Variants in RAD51B observed in about 807,000 individuals in gnomAD.
RAD51B encodes DNA repair protein RAD51 homolog 2.
RAD51B carries 38 observed loss-of-function variants against 42.2 expected under a neutral mutation model. The ratio of observed to expected loss-of-function variants is 0.90; its 90% CI spans 0.70 to 1.18. The LOEUF is 1.18. Among genes scored for constraint, RAD51B ranks in the 50% most tolerant of loss-of-function variants. The pLI is 0.00. For synonymous variants in RAD51B, 154 were observed against 145.2 expected (o/e 1.06, Z -0.43); for missense variants, 373 against 400.7 (o/e 0.93, Z 0.59).
At chr14:68,151,630 G>A (rs766928404) in intron 7 of RAD51B, among the ~76,000 whole-genome samples, 3 of 151,626 alleles carry the variant, frequency 2.0e-5, no homozygotes, top group Non-Finnish European at 4.4e-5. Context: ...GTGTGTGTGT[G>A]TTTCAGTTTG....
Position 68,058,776 on chromosome 14 carries a change from C to T in RAD51B, c.756+171572C>T, listed in dbSNP as rs953892167. Reference sequence around the variant, plus strand: ...TATCTGTGAGATGAATTCTGAAAAACGTAATTTCTAGTCAAAGAACAGTGC... The same window carrying T: ...TATCTGTGAGATGAATTCTGAAAAATGTAATTTCTAGTCAAAGAACAGTGC... On this transcript the variant is annotated intron_variant, in intron 7 of 10. Coordinates refer to ENST00000471583, the MANE Select transcript of RAD51B (RefSeq NM_133510.4). Among the ~76,000 whole-genome samples the T allele has an allele frequency of 3.3e-5, 5 of 152,030 alleles. No individual in the cohort carries two copies. The East Asian group carries it at 5.8e-4, about 18-fold the overall frequency.
chr14:68,327,448 C>T (rs1239133902), intron 8 of RAD51B, among the ~76,000 whole-genome samples: 8 of 150,444 alleles, frequency 5.3e-5, no homozygotes, highest in Middle Eastern at 3.4e-3. Flanking sequence ...TCTCCTTCTA[C>T]GCTTAGGCCA....
intron 5 of RAD51B, among the ~76,000 whole-genome samples, chr14:67,883,490 C>T (rs567027440): frequency 2.2e-4 from 33 of 152,258 alleles, no homozygotes; most frequent in African/African-American, 7.2e-4. Context: ...CACATGTAAG[C>T]TTTTGCACTT....
At chr14:68,237,949 G>C in intron 7 of RAD51B, among the ~76,000 whole-genome samples, 1 of 151,998 alleles carries the variant, frequency 6.6e-6, no homozygotes, top group Non-Finnish European at 1.5e-5. Flanking sequence ...TGGCCAAGAT[G>C]GTCTCGATCT....
intron 7 of RAD51B, among the ~76,000 whole-genome samples, chr14:68,092,138 C>A (rs1007946566): frequency 1.7e-4 from 26 of 152,178 alleles, no homozygotes; most frequent in African/African-American, 6.3e-4. Context: ...AGCATGATGC[C>A]TCCAGCTTTG....
chr14:68,566,353 A>G (rs1000956993), intron 10 of RAD51B, among the ~76,000 whole-genome samples: 1 of 152,194 alleles, frequency 6.6e-6, no homozygotes, highest in African/African-American at 2.4e-5. Context: ...AACCTGGTCT[A>G]TTTCCCATAG....
intron 8 of RAD51B, chr14:68,338,793 G>T (rs1420659865): frequency 3.5e-6 from 2 of 563,682 alleles, no homozygotes; most frequent in South Asian, 1.5e-5. Flanking sequence ...GTGAGCTACA[G>T]ACTTGAGACC....
intron 7 of RAD51B, among the ~76,000 whole-genome samples, chr14:68,079,825 G>A (rs533035223): frequency 3.9e-5 from 6 of 152,286 alleles, no homozygotes; most frequent in East Asian, 3.9e-4. Flanking sequence ...TTAAGGTGGC[G>A]TATGTGCGCT....
At chr14:68,567,010 A>G (rs1889453921) in intron 10 of RAD51B, among the ~76,000 whole-genome samples, 1 of 152,080 alleles carries the variant, frequency 6.6e-6, no homozygotes, top group Admixed American at 6.6e-5. Context: ...TTAAAAATTC[A>G]ACTTTACTGG....
chr14:68,440,563 G>A (rs555062224), intron 9 of RAD51B, among the ~76,000 whole-genome samples: 23 of 152,090 alleles, frequency 1.5e-4, no homozygotes, highest in Non-Finnish European at 3.1e-4. Flanking sequence ...TGGCCAACAT[G>A]GTGAAACCCC....
chr14:67,900,086 A>C (rs2043558890), intron 7 of RAD51B, among the ~76,000 whole-genome samples: 1 of 152,154 alleles, frequency 6.6e-6, no homozygotes, highest in Non-Finnish European at 1.5e-5. Context: ...TTATGCTTTG[A>C]TTGCTGCTTG....
At chr14:68,622,491 G>A (rs913075854) in intron 10 of RAD51B, among the ~76,000 whole-genome samples, 1 of 152,028 alleles carries the variant, frequency 6.6e-6, no homozygotes, top group Non-Finnish European at 1.5e-5. Flanking sequence ...CTAGGAAGAG[G>A]GTGGTCACGG....
chr14:68,628,391 GC>G (rs1196364839), intron 10 of RAD51B: 1 of 152,244 alleles, frequency 6.6e-6, no homozygotes, highest in Non-Finnish European at 1.5e-5. Flanking sequence ...CGCACAGGTC[GC>G]CGCGCGCATG....
intron 7 of RAD51B, among the ~76,000 whole-genome samples, chr14:68,169,756 A>G (rs2078831493): frequency 6.6e-6 from 1 of 152,100 alleles, no homozygotes; most frequent in South Asian, 2.1e-4. Context: ...ATTGATGGAT[A>G]TATGTTGATC....
intron 9 of RAD51B, among the ~76,000 whole-genome samples, chr14:68,416,515 C>A (rs2084564053): frequency 6.6e-6 from 1 of 152,188 alleles, no homozygotes. Context: ...GAAATGCACT[C>A]CCTGTAGCTA....
chr14:68,508,408 G>C (rs917906048), intron 10 of RAD51B, among the ~76,000 whole-genome samples: 1 of 152,220 alleles, frequency 6.6e-6, no homozygotes, highest in Non-Finnish European at 1.5e-5. Flanking sequence ...AATGGAAATA[G>C]AGACAGTGAG....
chr14:68,129,382 TTAAC>T (rs1348186105), intron 7 of RAD51B, among the ~76,000 whole-genome samples: 1 of 152,196 alleles, frequency 6.6e-6, no homozygotes, highest in Non-Finnish European at 1.5e-5. Flanking sequence ...ACATTATTCT[TTAAC>T]TAGAGAATAA....
At chr14:68,339,043 G>T (rs1417787226) in intron 8 of RAD51B, 7 of 666,264 alleles carry the variant, frequency 1.1e-5, no homozygotes, top group Admixed American at 2.0e-5. Flanking sequence ...AGCTCGATGG[G>T]ATCGACATCG....
chr14:68,636,308 C>T lies in RAD51B; in HGVS notation c.1037-14473C>T, dbSNP rs531738803. Among the ~76,000 whole-genome samples, 5 of 152,172 alleles carry T rather than the reference C, an allele frequency of 3.3e-5. No homozygotes were observed. The South Asian group carries it at 1.0e-3, about 32-fold the overall frequency. On this transcript the variant is annotated intron_variant, in intron 10 of 11. Transcript: ENST00000488612. The stretch of plus-strand genomic sequence containing the variant: ...ATCGGATACCATATTTAAGGCTGGG[C>T]GTGGTGGCTCACACGTGTCATCTCA...
Sources: gnomAD v4.1 joint callset for allele counts (sites outside exome capture counted in the v4.1 genomes callset) on GRCh38, gnomAD v4.1.1 for gene constraint, MANE v1.5 for transcripts, NCBI Gene and HGNC (gene_info 2026-07-23, HGNC 2026-07-21) for gene names.